BTD: variants seen among roughly 807,000 people sequenced by gnomAD.
BTD encodes the protein biocytinase.
In BTD, 13 loss-of-function variants were observed where a neutral mutation model predicts 17.7. That is an observed-to-expected ratio of 0.74 (90% CI 0.48 to 1.17). BTD has a LOEUF of 1.17. Ranked by LOEUF, BTD falls within the 50% of genes most tolerant of loss-of-function variation. The pLI is 0.00. For missense variants in BTD, 674 were observed against 650.4 expected (o/e 1.04, Z -0.39); for synonymous variants, 240 against 245.2 (o/e 0.98, Z 0.20).
At chr3:15,702,159 C>G (rs1338433531) in intron 3 of BTD, among the ~76,000 whole-genome samples, 1 of 152,140 alleles carries the variant, frequency 6.6e-6, no homozygotes, top group Non-Finnish European at 1.5e-5. Flanking sequence ...TGACTTTTCC[C>G]AAATCCTTTT....
At chr3:15,636,683 G>T (rs2065358084) in intron 2 of BTD, among the ~76,000 whole-genome samples, 1 of 152,058 alleles carries the variant, frequency 6.6e-6, no homozygotes, top group Admixed American at 6.6e-5. Flanking sequence ...CCTTAGAGCA[G>T]GGTGGTCGGG....
chr3:15,703,809 A>G (rs2070965868), intron 3 of BTD, among the ~76,000 whole-genome samples: 1 of 152,244 alleles, frequency 6.6e-6, no homozygotes, highest in African/African-American at 2.4e-5. Flanking sequence ...CGGGCTAGAG[A>G]TAACAACCCA....
exon 4 of BTD, chr3:15,712,136 T>C (rs1324100250): frequency 6.4e-7 from 1 of 1,568,232 alleles, no homozygotes; most frequent in Admixed American, 1.9e-5. Context: ...AAGGTTACAC[T>C]TACCTGAAGA....
chr3:15,663,407 A>G (rs1393568243), intron 3 of BTD, among the ~76,000 whole-genome samples: 8 of 152,234 alleles, frequency 5.3e-5, no homozygotes, highest in African/African-American at 1.9e-4. Context: ...TAGAATTGGT[A>G]TAATTTCACC....
rs750965140 is a variant in BTD, at chr3:15,635,481, CTG to C, written c.44_45del (p.Cys15LeufsTer16). ...GTAAGCTTGCTCTTTTCCTCTGCGG[CTG>C]TTACGTGGTTGCCCTGGGAGCCCAC... The part of the protein sequence containing the change: ...RSKLALFLCG[C>X]YVVALGAHTG... On this transcript the variant is annotated frameshift_variant, in exon 2 of 4. Transcript: ENST00000643237. LOFTEE classifies it high-confidence loss of function. The surrounding 1 kb of genome is among the most constrained non-coding windows in gnomAD (Gnocchi z 4.1). 416 of 1,614,210 alleles carry C rather than the reference CTG, an allele frequency of 2.6e-4. No homozygotes were observed. The highest frequency in any genetic ancestry group is 8.9e-4 in the South Asian group (81 of 91,090).
At chr3:15,689,923 T>A in intron 3 of BTD, 1 of 1,208,250 alleles carries the variant, frequency 8.3e-7, no homozygotes, top group Non-Finnish European at 1.1e-6. Flanking sequence ...AAGGTCAAAA[T>A]TTTAAAGACA....
intron 3 of BTD, chr3:15,670,117 ACTCTTC>A: frequency 1.2e-6 from 1 of 837,104 alleles, no homozygotes; most frequent in African/African-American, 1.7e-5. Context: ...TGCCTTTAAA[ACTCTTC>A]CTCCTAATGC....
downstream of BTD, among the ~76,000 whole-genome samples, chr3:15,715,184 A>G (rs529827197): frequency 1.3e-5 from 2 of 152,332 alleles, no homozygotes; most frequent in Non-Finnish European, 2.9e-5. Flanking sequence ...AGGAGTTCCA[A>G]ATATGAAGAA....
intron 3 of BTD, chr3:15,683,996 T>G (rs1311552164): frequency 5.9e-5 from 9 of 152,206 alleles, no homozygotes; most frequent in Non-Finnish European, 1.2e-4. Flanking sequence ...GAGGGAAGGT[T>G]ATTAGAATTG....
In BTD at chr3:15,689,415, G is replaced by T. The variant is rs2068519093; in HGVS notation, c.400-20645G>T. Among the ~76,000 whole-genome samples the T allele has an allele frequency of 3.9e-5, 6 of 152,222 alleles. 1 individual carries two copies. In the South Asian group the frequency reaches 1.2e-3, roughly 32 times the overall value. ...GCATCTGCAGCCATCATCAAAAGAT[G>T]AATCCACTGCCACTGCCCCCTGAGG... On this transcript the variant is annotated intron_variant, in intron 3 of 3. Transcript: ENST00000672141.
chr3:15,714,767 ATTAAGT>A (rs1336020857), downstream of BTD: 7 of 739,654 alleles, frequency 9.5e-6, no homozygotes, highest in Admixed American at 1.2e-4. Flanking sequence ...TTTTACATGA[ATTAAGT>A]TTAACTGAGG....
At chr3:15,673,645 G>A (rs1374916938) in intron 3 of BTD, among the ~76,000 whole-genome samples, 1 of 152,194 alleles carries the variant, frequency 6.6e-6, no homozygotes, top group African/African-American at 2.4e-5. Context: ...GTAAAGAATA[G>A]TTAGAATATG....
exon 4 of BTD, chr3:15,711,305 A>G (rs1374865266): frequency 6.5e-7 from 1 of 1,548,846 alleles, no homozygotes; most frequent in Non-Finnish European, 8.9e-7. Context: ...TATTTATAAC[A>G]GACATATTAT....
At chr3:15,721,460 T>C (rs2073719529) in intron 4 of BTD, among the ~76,000 whole-genome samples, 1 of 152,208 alleles carries the variant, frequency 6.6e-6, no homozygotes. Context: ...GGATTTACTA[T>C]AGAATTAATT....
At chr3:15,611,630 C>A (rs757530037) in intron 1 of BTD, among the ~76,000 whole-genome samples, 1 of 150,854 alleles carries the variant, frequency 6.6e-6, no homozygotes. Flanking sequence ...TTCTTTTATC[C>A]GAAGTTTTGG....
chr3:15,628,417 G>A (rs1015203429), intron 1 of BTD, among the ~76,000 whole-genome samples: 23 of 152,172 alleles, frequency 1.5e-4, no homozygotes, highest in African/African-American at 5.1e-4. Context: ...ATTTTGACAC[G>A]TAGTTCTAGG....
At chr3:15,662,586 T>C (rs2065935171) in intron 3 of BTD, among the ~76,000 whole-genome samples, 1 of 152,230 alleles carries the variant, frequency 6.6e-6, no homozygotes, top group African/African-American at 2.4e-5. Flanking sequence ...ATACTTTTTA[T>C]TTCCTTTTCT....
chr3:15,637,831 C>A (rs930169019), intron 2 of BTD, among the ~76,000 whole-genome samples: 1 of 152,228 alleles, frequency 6.6e-6, no homozygotes, highest in African/African-American at 2.4e-5. Context: ...CTGTAGAATT[C>A]TCCTGCATTC....
At chr3:15,679,671 C>T in intron 3 of BTD, 1 of 804,596 alleles carries the variant, frequency 1.2e-6, no homozygotes, top group South Asian at 1.7e-5. Context: ...CTCCCTCATC[C>T]CATCTCCCAG....
Sources: allele counts gnomAD v4.1 joint callset (sites outside exome capture counted in the v4.1 genomes callset), GRCh38; gene constraint gnomAD v4.1.1; non-coding constraint Gnocchi (gnomAD v3.1); transcripts MANE v1.5; gene names NCBI Gene and HGNC (gene_info 2026-07-23, HGNC 2026-07-21).